Variants in PET117 observed in about 807,000 individuals in gnomAD.
PET117 encodes protein PET117 homolog, mitochondrial.
In PET117, 10 loss-of-function variants were observed where a neutral mutation model predicts 9.2. The ratio of observed to expected loss-of-function variants is 1.09; its 90% confidence interval spans 0.67 to 1.85. The LOEUF is 1.85. Ranked by LOEUF, PET117 falls within the 40% of genes most tolerant of loss-of-function variation. PET117 has a pLI of 0.00. For missense variants in PET117, 96 were observed against 98.2 expected (o/e 0.98, Z 0.09); for synonymous variants, 43 against 37.1 (o/e 1.16, Z -0.57).
Position 18,142,386 on chromosome 20 carries a change from C to G in PET117, c.*29C>G. ...GAATGTGAAATATCTGTTGGACAGA[C>G]AACACGAGTTTGTGTGTGTGTGTTG... On this transcript the variant is annotated 3_prime_UTR_variant, in exon 2 of 2. Coordinates refer to ENST00000432901, the MANE Select transcript of PET117 (RefSeq NM_001164811.2). The G allele has an allele frequency of 6.5e-7, 1 of 1,527,694 alleles. No individual in the cohort carries two copies. The highest frequency in any genetic ancestry group is 8.8e-7 in the Non-Finnish European group (1 of 1,140,438). 94.6% of individuals were successfully genotyped at this position (1,527,694 alleles called of 1,614,324 possible). A position where few individuals can be genotyped will look rare whatever the true frequency, so the allele number is the denominator to read the frequency against.
rs1284664774 is a variant in PET117 at position 18,142,564 on chromosome 20, T to G, written c.*207T>G. 1.9e-6 allele frequency: 3 copies of G among 1,540,104 alleles called. No homozygotes were observed. The African/African-American group carries it at 4.1e-5, about 21-fold the overall frequency. On this transcript the variant is annotated 3_prime_UTR_variant, in exon 2 of 2. Coordinates refer to ENST00000432901, the MANE Select transcript of PET117 (RefSeq NM_001164811.2). ...TGTGGGCAGACACTTTTTGGAAGAG[T>G]CTGTCTGGGTGATCCTGGTAGAAGC...
chr20:18,141,605 C>T (rs887878931), intron 1 of PET117, among the ~76,000 whole-genome samples: 1 of 152,200 alleles, frequency 6.6e-6, no homozygotes, highest in Admixed American at 6.5e-5. Flanking sequence ...TTAACATTGG[C>T]CGGGTGCAGT....
At position 18,137,990 on chromosome 20, in the gene PET117, C is replaced by G; in HGVS notation, c.35C>G (p.Ser12Trp). Reference sequence around the variant, plus strand: ...AGCTCGAAGGTGGTGCTGGGCCTCTCGGTGCTGCTGACGGCGGCCACAGTG... The same window carrying G: ...AGCTCGAAGGTGGTGCTGGGCCTCTGGGTGCTGCTGACGGCGGCCACAGTG... ...SRSSKVVLGL[S>W]VLLTAATVAG... Residue 12 changes from serine to tryptophan, a missense_variant, in exon 1 of 2, where the codon TCG becomes TGG. Coordinates refer to ENST00000432901, the MANE Select transcript of PET117 (RefSeq NM_001164811.2). 1 of 1,506,414 alleles carries G rather than the reference C, an allele frequency of 6.6e-7. No individual in the cohort carries two copies. Among genetic ancestry groups the G allele is most frequent in the Non-Finnish European group, 8.8e-7 (1 of 1,134,240 alleles). The allele number at this position is 1,506,414 out of a possible 1,614,324, so 93.3% of individuals were successfully genotyped here.
At chr20:18,138,575 C>T (rs2037393678) in intron 1 of PET117, 1 of 488,314 alleles carries the variant, frequency 2.0e-6, no homozygotes. Context: ...CCCCCTTCCC[C>T]GTACTCACTC....
chr20:18,142,593 A>C lies in PET117; in HGVS notation c.*236A>C. The C allele has an allele frequency of 6.3e-7, 1 of 1,593,888 alleles. No individual in the cohort carries two copies. The highest frequency in any genetic ancestry group is 8.6e-7 in the Non-Finnish European group (1 of 1,168,406). ...TCTGGGTGATCCTGGTAGAAGCCCCATTAGGGTCACTGTCCAGTGCTTAGG... is the reference window on the plus strand; with the variant it reads ...TCTGGGTGATCCTGGTAGAAGCCCCCTTAGGGTCACTGTCCAGTGCTTAGG... On this transcript the variant is annotated 3_prime_UTR_variant, in exon 2 of 2. Coordinates refer to ENST00000432901, the MANE Select transcript of PET117 (RefSeq NM_001164811.2).
At chr20:18,141,023 A>AT (rs67633205) in intron 1 of PET117, among the ~76,000 whole-genome samples, 876 of 48,732 alleles carry the variant, frequency 0.018, 22 homozygotes, top group Non-Finnish European at 0.021. Flanking sequence ...ACTCCCTGCA[A>AT]TTTTTTTTTT....
intron 1 of PET117, among the ~76,000 whole-genome samples, chr20:18,138,686 A>T (rs2037399103): frequency 6.6e-6 from 1 of 151,968 alleles, no homozygotes; most frequent in Admixed American, 6.6e-5. Context: ...TAGAGATAAC[A>T]GTCTCCAGAT....
rs1256400101 is a variant in PET117, at chr20:18,142,620, T to G, written c.*263T>G. 1 of 1,611,652 alleles carries G rather than the reference T, an allele frequency of 6.2e-7. No individual in the cohort carries two copies. Among genetic ancestry groups the G allele is most frequent in the African/African-American group, 1.3e-5 (1 of 74,858 alleles). ...TAGGGTCACTGTCCAGTGCTTAGGG[T>G]TGTTACTGAGAAGCACTGCCGAGCT... On this transcript the variant is annotated 3_prime_UTR_variant, in exon 2 of 2. Coordinates refer to ENST00000432901, the MANE Select transcript of PET117 (RefSeq NM_001164811.2).
Position 18,143,162 on chromosome 20 carries a change from A to T in PET117, c.*805A>T, listed in dbSNP as rs1203460094. On this transcript the variant is annotated 3_prime_UTR_variant, in exon 2 of 2. Transcript: ENST00000432901. ...GTGGTAACTCAATAAAATTGAGAAA[A>T]TTGGAAATCCTGTGTTACTTAAAGA... The T allele has an allele frequency of 5.7e-6, 7 of 1,232,640 alleles. No individual in the cohort carries two copies. The highest frequency in any genetic ancestry group is 7.1e-6 in the Non-Finnish European group (7 of 982,364). The allele number at this position is 1,232,640 out of a possible 1,614,324, so 76.4% of individuals were successfully genotyped here.
chr20:18,139,279 C>G (rs1386853657), intron 1 of PET117, among the ~76,000 whole-genome samples: 1 of 152,160 alleles, frequency 6.6e-6, no homozygotes, highest in Non-Finnish European at 1.5e-5. Context: ...ACTTCCGCCT[C>G]TTACAAGGAA....
At chr20:18,138,252 G>C (rs2037375811) in intron 1 of PET117, 2 of 1,237,090 alleles carry the variant, frequency 1.6e-6, no homozygotes, top group Non-Finnish European at 2.0e-6. Flanking sequence ...CGGCGGGCGT[G>C]TGCAGCCCGC....
rs2037654521 is a variant in PET117, at chr20:18,143,140, G to A, written c.*783G>A. On this transcript the variant is annotated 3_prime_UTR_variant, in exon 2 of 2. Transcript: ENST00000432901. ...CATTGTTAAATTAACACTTTTGGTG[G>A]TAACTCAATAAAATTGAGAAAATTG... 5 of 1,272,322 alleles carry A rather than the reference G, an allele frequency of 3.9e-6. No homozygotes were observed. The South Asian group carries it at 1.0e-4, about 25-fold the overall frequency. The allele number at this position is 1,272,322 out of a possible 1,614,324, so 78.8% of individuals were successfully genotyped here.
rs1261643317 is a variant in PET117 at position 18,143,025 on chromosome 20, A to G, written c.*668A>G. On this transcript the variant is annotated 3_prime_UTR_variant, in exon 2 of 2. Coordinates refer to ENST00000432901, the MANE Select transcript of PET117 (RefSeq NM_001164811.2). Reference sequence around the variant, plus strand: ...GTAAAAGAGACCTAAATAAAAGGATAATTATATTTATTCTCTAGTTGATCA... The same window carrying G: ...GTAAAAGAGACCTAAATAAAAGGATGATTATATTTATTCTCTAGTTGATCA... The G allele has an allele frequency of 2.1e-6, 3 of 1,461,516 alleles. No homozygotes were observed. The highest frequency in any genetic ancestry group is 2.7e-6 in the Non-Finnish European group (3 of 1,106,376). 90.5% of individuals were successfully genotyped at this position (1,461,516 alleles called of 1,614,324 possible). A position where few individuals can be genotyped will look rare whatever the true frequency, so the allele number is the denominator to read the frequency against.
intron 1 of PET117, among the ~76,000 whole-genome samples, chr20:18,141,898 A>C (rs1205214): frequency 0.99 from 151,185 of 151,968 alleles, 75,202 homozygotes; most frequent in Middle Eastern, 1. Context: ...AAAAATAAAT[A>C]AAAAAAAATT....
rs2037617604 is a variant in PET117, at chr20:18,142,283, C to T, written c.172C>T (p.Gln58Ter). The T allele has an allele frequency of 6.5e-7, 1 of 1,537,120 alleles. No individual in the cohort carries two copies. ...AGAAAACATTCGTCTTTTGGGAGAACAGATTATTTTGACTGAGCAACTTGA... is the reference window on the plus strand; with the variant it reads ...AGAAAACATTCGTCTTTTGGGAGAATAGATTATTTTGACTGAGCAACTTGA... ...KKENIRLLGE[Q>*]IILTEQLEAE... Residue 58 changes from glutamine to a stop codon, truncating the protein, a stop_gained, in exon 2 of 2, where the codon CAG becomes TAG. Coordinates refer to ENST00000432901, the MANE Select transcript of PET117 (RefSeq NM_001164811.2). LOFTEE classifies it high-confidence loss of function.
chr20:18,139,703 C>A (rs577212441), intron 1 of PET117, among the ~76,000 whole-genome samples: 10 of 147,370 alleles, frequency 6.8e-5, no homozygotes, highest in African/African-American at 2.5e-4. Context: ...ATGTCCGGTT[C>A]TTCATTAGGG....
chr20:18,138,184 C>T lies in PET117; in HGVS notation c.96+133C>T, dbSNP rs565214973. 3.1e-6 allele frequency: 4 copies of T among 1,285,230 alleles called. No homozygotes were observed. In the African/African-American group the frequency reaches 4.6e-5, roughly 15 times the overall value. The allele number at this position is 1,285,230 out of a possible 1,614,324, so 79.6% of individuals were successfully genotyped here. A position where few individuals can be genotyped will look rare whatever the true frequency, so the allele number is the denominator to read the frequency against. On this transcript the variant is annotated intron_variant, in intron 1 of 1. Coordinates refer to ENST00000432901, the MANE Select transcript of PET117 (RefSeq NM_001164811.2). ...CCCGCGGTGGCGCGGCCCTGCACCC[C>T]ACGCGTTTGCGGCTGCGGCCGGCGG...
At chr20:18,141,773 A>T (rs1456959611) in intron 1 of PET117, among the ~76,000 whole-genome samples, 1 of 152,080 alleles carries the variant, frequency 6.6e-6, no homozygotes, top group Non-Finnish European at 1.5e-5. Flanking sequence ...AGTCTCAGCT[A>T]CTCGGGAGGC....
At position 18,142,262 on chromosome 20, in the gene PET117, A is replaced by T. The variant is rs1028068167; in HGVS notation, c.151A>T (p.Asn51Tyr). The T allele has an allele frequency of 6.5e-7, 1 of 1,537,100 alleles. No homozygotes were observed. Among genetic ancestry groups the T allele is most frequent in the African/African-American group, 1.4e-5 (1 of 73,044 alleles). Reference sequence around the variant, plus strand: ...TGAGAGGCAAATTCGGAAAAAAGAAAACATTCGTCTTTTGGGAGAACAGAT... The same window carrying T: ...TGAGAGGCAAATTCGGAAAAAAGAATACATTCGTCTTTTGGGAGAACAGAT... ...DIERQIRKKE[N>Y]IRLLGEQIIL... Residue 51 changes from asparagine (N) to tyrosine (Y), a missense_variant, in exon 2 of 2, where the codon AAC becomes TAC. Transcript: ENST00000432901.
Sources: gnomAD v4.1 joint callset for allele counts (sites outside exome capture counted in the v4.1 genomes callset) on GRCh38, gnomAD v4.1.1 for gene constraint, MANE v1.5 for transcripts, NCBI Gene and HGNC (gene_info 2026-07-23, HGNC 2026-07-21) for gene names.